The following KCNN2 variants were observed in gnomAD, a reference collection of about 807,000 sequenced individuals.
The protein encoded by KCNN2 is potassium calcium-activated channel subfamily N member 2.
Under a neutral mutation model 55.5 loss-of-function variants are expected in KCNN2, and 24 were observed. That is an observed-to-expected ratio of 0.43 (90% confidence interval 0.31 to 0.61). The LOEUF (loss-of-function observed/expected upper bound fraction) is 0.61. Ranked by LOEUF, KCNN2 falls within the 20% of genes least tolerant of loss-of-function variation. The pLI is 0.08. For missense variants in KCNN2, 754 were observed against 853.6 expected, an observed-to-expected ratio of 0.88 and a Z score of 1.45; for synonymous variants, 431 against 336.1, an observed-to-expected ratio of 1.28 and a Z score of -3.09.
Position 114,409,771 on chromosome 5 carries a change from G to T in KCNN2, c.1637+4915G>T, listed in dbSNP as rs536881845. On this transcript the variant is annotated intron_variant, in intron 3 of 7. Transcript: ENST00000673685. ...TTCTAGAAATTGTTCTGTATTAATGGGGAGAGCATCCTATGGGAGGCATTT... is the reference window on the plus strand; with the variant it reads ...TTCTAGAAATTGTTCTGTATTAATGTGGAGAGCATCCTATGGGAGGCATTT... 1.5e-3 allele frequency among the ~76,000 whole-genome samples: 231 copies of T among 152,154 alleles called. 1 individual carries two copies. Among genetic ancestry groups the T allele is most frequent in the African/African-American group, 5.1e-3 (212 of 41,518 alleles).
chr5:114,202,062 G>T (rs1409107514), intron 1 of KCNN2, among the ~76,000 whole-genome samples: 1 of 152,164 alleles, frequency 6.6e-6, no homozygotes, highest in Non-Finnish European at 1.5e-5. Context: ...TCCGAGGGAT[G>T]TGTGGGGGCA....
At chr5:114,465,059 A>G (rs1216833633) in intron 4 of KCNN2, among the ~76,000 whole-genome samples, 1 of 152,132 alleles carries the variant, frequency 6.6e-6, no homozygotes, top group African/African-American at 2.4e-5. Context: ...CTTTTTGTCA[A>G]GATGGTACCC....
chr5:114,245,556 C>G (rs1427616113), intron 2 of KCNN2, among the ~76,000 whole-genome samples: 1 of 152,188 alleles, frequency 6.6e-6, no homozygotes, highest in Non-Finnish European at 1.5e-5. Flanking sequence ...TGCAGCCACA[C>G]TATAGCTGCC....
At chr5:114,374,704 T>C (rs1757882078) in intron 2 of KCNN2, among the ~76,000 whole-genome samples, 1 of 152,188 alleles carries the variant, frequency 6.6e-6, no homozygotes, top group African/African-American at 2.4e-5. Flanking sequence ...TATTGTTGAG[T>C]GAGTTTTGGA....
chr5:114,493,374 C>G (rs759076484), intron 6 of KCNN2, 29 bp from the exon 7 acceptor site: 3 of 1,397,966 alleles, frequency 2.1e-6, no homozygotes, highest in Admixed American at 1.7e-5. Context: ...AAGAAGGGAA[C>G]CTTTCTGATA....
chr5:114,098,402 C>T (rs542897178), intron 1 of KCNN2, among the ~76,000 whole-genome samples: 1 of 152,030 alleles, frequency 6.6e-6, no homozygotes, highest in East Asian at 2.0e-4. Flanking sequence ...GGCTGCATGG[C>T]AAAAAGTAAG....
intron 1 of KCNN2, among the ~76,000 whole-genome samples, chr5:114,112,104 T>G (rs1459744491): frequency 6.6e-6 from 1 of 152,050 alleles, no homozygotes; most frequent in Non-Finnish European, 1.5e-5. Context: ...ATAGACTAGA[T>G]TAAGAAAATA....
intron 3 of KCNN2, among the ~76,000 whole-genome samples, chr5:114,412,907 A>G (rs150860036): frequency 2.9e-3 from 438 of 152,342 alleles, no homozygotes; most frequent in Non-Finnish European, 4.4e-3. Context: ...ATTATTTCCT[A>G]CCACTTGAAG....
At chr5:114,306,746 G>C (rs1289989702) in intron 2 of KCNN2, among the ~76,000 whole-genome samples, 1 of 147,892 alleles carries the variant, frequency 6.8e-6, no homozygotes, top group Non-Finnish European at 1.5e-5. Flanking sequence ...TGTCACCCAG[G>C]CTGGAGTGCA....
At chr5:114,279,457 C>A (rs368173890) in intron 2 of KCNN2, among the ~76,000 whole-genome samples, 5 of 152,124 alleles carry the variant, frequency 3.3e-5, no homozygotes, top group African/African-American at 4.8e-5. Flanking sequence ...CTGCTCCCCC[C>A]ACCCCACAAC....
Position 114,496,212 on chromosome 5 carries a change from T to C in KCNN2, c.*30T>C. On this transcript the variant is annotated 3_prime_UTR_variant, in exon 8 of 8. Transcript: ENST00000673685. ...GAATAAGTTAACCACAAAATAAGAC[T>C]TTTTGCCATCATATGGTCAATATTT... 1.9e-6 allele frequency: 3 copies of C among 1,605,434 alleles called. No individual in the cohort carries two copies. The highest frequency in any genetic ancestry group is 2.6e-6 in the Non-Finnish European group (3 of 1,174,798).
intron 1 of KCNN2, among the ~76,000 whole-genome samples, chr5:114,092,740 C>CTTG (rs1402524061): frequency 6.6e-6 from 1 of 152,212 alleles, no homozygotes; most frequent in African/African-American, 2.4e-5. Flanking sequence ...TTGTAAGCCA[C>CTTG]CAAGGCTTAG....
At chr5:114,306,608 G>A (rs1756277497) in intron 2 of KCNN2, among the ~76,000 whole-genome samples, 1 of 152,084 alleles carries the variant, frequency 6.6e-6, no homozygotes, top group South Asian at 2.1e-4. Flanking sequence ...ATAACCACAG[G>A]ATGGGTCTGA....
intron 2 of KCNN2, among the ~76,000 whole-genome samples, chr5:114,257,207 C>T (rs1415259880): frequency 6.6e-6 from 1 of 152,084 alleles, no homozygotes; most frequent in Non-Finnish European, 1.5e-5. Context: ...TTTTCTACTC[C>T]ATTGAGCTAT....
At chr5:114,168,021 A>C (rs1176996220) in intron 1 of KCNN2, among the ~76,000 whole-genome samples, 2 of 152,126 alleles carry the variant, frequency 1.3e-5, no homozygotes, top group African/African-American at 2.4e-5. Context: ...TGCGAGTAGC[A>C]TGTGAGTAGT....
chr5:114,181,887 G>A (rs1013517007), intron 1 of KCNN2, among the ~76,000 whole-genome samples: 22 of 152,086 alleles, frequency 1.4e-4, no homozygotes, highest in African/African-American at 5.1e-4. Context: ...TGTGGCGCAC[G>A]CCTGTAGTCC....
At chr5:114,396,326 A>G (rs1758615746) in intron 2 of KCNN2, among the ~76,000 whole-genome samples, 1 of 152,188 alleles carries the variant, frequency 6.6e-6, no homozygotes, top group Non-Finnish European at 1.5e-5. Context: ...ATTAAGAGGG[A>G]GAAACCGGAA....
chr5:114,297,320 A>C (rs147774769), intron 2 of KCNN2, among the ~76,000 whole-genome samples: 33 of 152,232 alleles, frequency 2.2e-4, no homozygotes, highest in East Asian at 9.6e-4. Flanking sequence ...TCTGTCTCTA[A>C]AATAGAGAAA....
At chr5:114,169,992 T>C (rs1223626638) in intron 1 of KCNN2, among the ~76,000 whole-genome samples, 1 of 152,124 alleles carries the variant, frequency 6.6e-6, no homozygotes, top group Admixed American at 6.6e-5. Flanking sequence ...ATGCACACCT[T>C]CCTGCTATTG....
Sources: gnomAD v4.1 joint callset for allele counts (sites outside exome capture counted in the v4.1 genomes callset) on GRCh38, gnomAD v4.1.1 for gene constraint, MANE v1.5 for transcripts, NCBI Gene and HGNC (gene_info 2026-07-23, HGNC 2026-07-21) for gene names.